Variants in CRYBG2 observed in about 807,000 individuals in gnomAD.
The protein encoded by CRYBG2 is crystallin beta-gamma domain containing 2, also known as beta/gamma crystallin domain-containing protein 2.
A neutral mutation model predicts 153.4 loss-of-function variants in CRYBG2; 106 were observed. The observed-to-expected ratio is 0.69, with a 90% CI of 0.59 to 0.81. CRYBG2 has a LOEUF of 0.81. CRYBG2 is among the 30% of genes least tolerant of loss of function. The pLI is 0.00. For missense variants in CRYBG2, 1,996 were observed against 2,112.0 expected (o/e 0.95, Z 1.08); for synonymous variants, 851 against 877.8 (o/e 0.97, Z 0.54).
rs538385557 is a variant in CRYBG2, at chr1:26,344,884, A to G, written c.1774T>C (p.Ser592Pro). 994 of 1,528,500 alleles carry G rather than the reference A, an allele frequency of 6.5e-4. 10 individuals carry two copies. Among genetic ancestry groups the G allele is most frequent in the Middle Eastern group, 5.4e-3 (32 of 5,908 alleles). 94.7% of individuals were successfully genotyped at this position (1,528,500 alleles called of 1,614,324 possible). A position where few individuals can be genotyped will look rare whatever the true frequency, so the allele number is the denominator to read the frequency against. ...VVKGPGAPAA[S>P]SPTQKEVVKG... is the part of the protein sequence containing the mutation. ...ACAACCTCTTTCTGGGTGGGCGATG[A>G]GGCAGCAGGAGCACCAGGGCCCTTC... is the stretch of plus-strand genomic sequence containing the variant. Residue 592 changes from serine (S) to proline (P), a missense_variant, in exon 2 of 20, where the codon TCA becomes CCA. By Grantham distance (74) the Ser-to-Pro change is moderately conservative (BLOSUM62 -1). Transcript: ENST00000308182.
chr1:26,350,744 C>G (rs1321761179), intron 1 of CRYBG2, among the ~76,000 whole-genome samples: 1 of 152,130 alleles, frequency 6.6e-6, no homozygotes, highest in African/African-American at 2.4e-5. Flanking sequence ...CTGACCAGGG[C>G]AATCCTATTC....
Position 26,345,621 on chromosome 1 carries a change from T to C in CRYBG2, c.1037A>G (p.Gln346Arg). 6.3e-7 allele frequency: 1 copy of C among 1,599,590 alleles called. No homozygotes were observed. Among genetic ancestry groups the C allele is most frequent in the African/African-American group, 1.3e-5 (1 of 75,032 alleles). Residue 346 changes from glutamine to arginine, a missense_variant, in exon 2 of 20, where the codon CAG becomes CGG. Transcript: ENST00000308182. Reference protein sequence around the residue: ...SSTELPLQTSQGQASVPSSPR... With the variant: ...SSTELPLQTSRGQASVPSSPR... ...AGAGGAGGGGACTGATGCTTGACCC[T>C]GAGAAGTCTGGAGAGGGAGCTCAGT...
At chr1:26,328,706 C>T (rs373917372) in intron 16 of CRYBG2, 28 bp downstream of exon 16, 34 of 1,599,632 alleles carry the variant, frequency 2.1e-5, no homozygotes, top group African/African-American at 8.1e-5. Flanking sequence ...CAGCAGCCAC[C>T]GCACCCATGC....
chr1:26,346,355 G>A lies in CRYBG2; in HGVS notation c.303C>T (p.Tyr101=). The A allele has an allele frequency of 6.3e-7, 1 of 1,599,406 alleles. No homozygotes were observed. Residue 101 remains tyrosine (Y), a synonymous_variant, in exon 2 of 20, where the codon TAC becomes TAT. Transcript: ENST00000308182. The surrounding 1 kb of genome is among the most constrained non-coding windows in gnomAD (Gnocchi z 4.9). The part of the protein sequence containing the change: ...QSHGPIFSKK[Y]IPPPKEKRPE... ...GCCTTTTCTCCTTGGGAGGTGGTAT[G>A]TACTTCTTGGAAAAGATGGGTCCAT...
At position 26,325,610 on chromosome 1, in the gene CRYBG2, T is replaced by TACACAC. The variant is rs56092779; in HGVS notation, c.4579-1306_4579-1301dup. Among the ~76,000 whole-genome samples the TACACAC allele has an allele frequency of 0.012, 1,786 of 149,024 alleles. 13 individuals are homozygous for TACACAC. Among genetic ancestry groups the TACACAC allele is most frequent in the African/African-American group, 0.025 (995 of 40,374 alleles). ...AAAAAAATGAATGCACTCCCACAGATACACACACACACACACACACACACA... is the reference window on the plus strand; with the variant it reads ...AAAAAAATGAATGCACTCCCACAGATACACACACACACACACACACACACACACACA... On this transcript the variant is annotated intron_variant, in intron 17 of 19. Coordinates refer to ENST00000308182, the MANE Select transcript of CRYBG2 (RefSeq NM_001039775.4). This position sits in a 1 kb window ranked among gnomAD's most constrained non-coding sequence, Gnocchi z 4.1.
intron 1 of CRYBG2, among the ~76,000 whole-genome samples, chr1:26,347,300 T>TG (rs2074235926): frequency 2.1e-5 from 3 of 139,714 alleles, no homozygotes; most frequent in Non-Finnish European, 4.7e-5. Context: ...TTTTTTTTTT[T>TG]TTTTTTTTTG....
chr1:26,337,123 G>A (rs2074070374), intron 10 of CRYBG2, 130 bp downstream of exon 10: 1 of 1,552,876 alleles, frequency 6.4e-7, no homozygotes. Context: ...GGGGAAGAGA[G>A]GCTAGACCTC....
chr1:26,323,010 T>C (rs2073877677), intron 18 of CRYBG2, among the ~76,000 whole-genome samples: 1 of 152,056 alleles, frequency 6.6e-6, no homozygotes, highest in Non-Finnish European at 1.5e-5. Context: ...CCCTCAGATA[T>C]CTGCATGGCT....
intron 1 of CRYBG2, among the ~76,000 whole-genome samples, chr1:26,353,756 A>G (rs4325118): frequency 0.65 from 99,350 of 151,952 alleles, 32,874 homozygotes; most frequent in East Asian, 0.9. Context: ...GGAGTGGTGT[A>G]TGCTGTGAAG....
chr1:26,344,126 C>A lies in CRYBG2; in HGVS notation c.2532G>T (p.Lys844Asn), dbSNP rs1160205471. The part of the protein sequence containing the change: ...PENPYLSDDE[K>N]LQRRQEKAGP... The stretch of plus-strand genomic sequence containing the variant: ...CAGCTTTCTCCTGCCTGCGCTGGAG[C>A]TTCTCATCGTCACTCAGATAGGGGT... The change falls in exon 2 of 20, where the codon AAG (lysine) becomes AAT (asparagine). Residue 844 changes from lysine to asparagine, a missense_variant. Physicochemically the swap from Lys to Asn is moderately conservative, Grantham distance 94 (BLOSUM62 0). Transcript: ENST00000308182. 4 of 1,536,004 alleles carry A rather than the reference C, an allele frequency of 2.6e-6. No individual in the cohort carries two copies. In the East Asian group the frequency reaches 7.3e-5, roughly 28 times the overall value.
In CRYBG2 at chr1:26,325,522, T is replaced by C. The variant is rs973726976; in HGVS notation, c.4579-1212A>G. 6.6e-6 allele frequency among the ~76,000 whole-genome samples: 1 copy of C among 152,040 alleles called. No homozygotes were observed. Among genetic ancestry groups the C allele is most frequent in the African/African-American group, 2.4e-5 (1 of 41,374 alleles). On this transcript the variant is annotated intron_variant, in intron 17 of 19. Coordinates refer to ENST00000308182, the MANE Select transcript of CRYBG2 (RefSeq NM_001039775.4). This position sits in a 1 kb window ranked among gnomAD's most constrained non-coding sequence, Gnocchi z 4.1. ...TTGCAGTGAGCCGAGATCACACCAC[T>C]GCACTCCAGCCTGGGTGACAGAGTA...
intron 7 of CRYBG2, 96 bp from the exon 8 acceptor site, chr1:26,338,143 C>G (rs1414133701): frequency 9.4e-6 from 14 of 1,496,786 alleles, no homozygotes; most frequent in Non-Finnish European, 1.3e-5. Context: ...AACCCCAACC[C>G]CATGTCTTCC....
At chr1:26,323,763 C>T (rs995379682) in intron 18 of CRYBG2, among the ~76,000 whole-genome samples, 1 of 152,236 alleles carries the variant, frequency 6.6e-6, no homozygotes, top group East Asian at 1.9e-4. Context: ...TACAGGCATG[C>T]ACCACCACAC....
rs138274119 is a variant in CRYBG2, at chr1:26,331,528, G to A, written c.4275C>T (p.Leu1425=). The change falls in exon 15 of 20, where the codon CTC becomes CTT. Residue 1425 remains leucine (L), a synonymous_variant. Coordinates refer to ENST00000308182, the MANE Select transcript of CRYBG2 (RefSeq NM_001039775.4). ...EFPTLTAMGC[L]ASTVLGSLQK... is the part of the protein sequence containing the mutation. ...GGAGAGAGCCCAGGACTGTGGAGGC[G>A]AGGCAGCCCATGGCCGTGAGAGTGG... The A allele has an allele frequency of 2.5e-5, 40 of 1,614,106 alleles. No homozygotes were observed. Among genetic ancestry groups the A allele is most frequent in the Admixed American group, 1.5e-4 (9 of 60,032 alleles).
chr1:26,336,102 C>G lies in CRYBG2; in HGVS notation c.4177G>C (p.Gly1393Arg), dbSNP rs934530234. ...GCCCCTCCACGTTCTCACCTGCCGC[C>G]GTGGACCCGGCAGGACTGAGGTCGG... Reference protein sequence around the residue: ...SFRPQSCRVHGGSWILFDETN... With the variant: ...SFRPQSCRVHRGSWILFDETN... Residue 1393 changes from glycine to arginine, a missense_variant, in exon 14 of 20, where the codon GGC becomes CGC. Physicochemically the swap from Gly to Arg is moderately radical, Grantham distance 125. Transcript: ENST00000308182. This position sits in a 1 kb window ranked among gnomAD's most constrained non-coding sequence, Gnocchi z 4.9. The G allele has an allele frequency of 6.8e-7, 1 of 1,475,188 alleles. No individual in the cohort carries two copies. The highest frequency in any genetic ancestry group is 1.4e-5 in the South Asian group (1 of 73,200). The allele number at this position is 1,475,188 out of a possible 1,614,324, so 91.4% of individuals were successfully genotyped here.
At chr1:26,337,708 C>T (rs1237383704) in intron 8 of CRYBG2, 34 bp from the exon 9 acceptor site, 1 of 1,602,352 alleles carries the variant, frequency 6.2e-7, no homozygotes, top group Non-Finnish European at 8.5e-7. Context: ...GTCATCTGGA[C>T]CCAAACACAC....
chr1:26,337,371 C>T lies in CRYBG2; in HGVS notation c.3653G>A (p.Gly1218Asp), dbSNP rs768409800. 3.7e-6 allele frequency: 6 copies of T among 1,613,396 alleles called. No homozygotes were observed. Among genetic ancestry groups the T allele is most frequent in the Middle Eastern group, 1.6e-4 (1 of 6,078 alleles). Residue 1218 changes from glycine to aspartate, a missense_variant, in exon 10 of 20, where the codon GGC (glycine) becomes GAC (aspartate). Gly to Asp is a moderately conservative substitution (Grantham distance 94). Transcript: ENST00000308182. Reference protein sequence around the residue: ...SLRVLGGCWVGYEKEGFRGHQ... With the variant: ...SLRVLGGCWVDYEKEGFRGHQ... ...GCCCCGGAAGCCCTCCTTCTCGTAG[C>T]CCACCCAGCTGGGAAAAGCAGGAGG...
chr1:26,325,284 G>A lies in CRYBG2; in HGVS notation c.4579-974C>T, dbSNP rs926391755. Among the ~76,000 whole-genome samples the A allele has an allele frequency of 5.3e-5, 8 of 152,226 alleles. No individual in the cohort carries two copies. The highest frequency in any genetic ancestry group is 2.1e-4 in the South Asian group (1 of 4,836). On this transcript the variant is annotated intron_variant, in intron 17 of 19. Transcript: ENST00000308182. The surrounding 1 kb of genome is among the most constrained non-coding windows in gnomAD (Gnocchi z 4.1). ...GTCATAAATGCAATCCCGGCCGGGC[G>A]CGGAGGCTCACGCCTGTAATCCCAG...
At chr1:26,353,005 G>C (rs1166288034) in intron 1 of CRYBG2, among the ~76,000 whole-genome samples, 1 of 151,940 alleles carries the variant, frequency 6.6e-6, no homozygotes, top group African/African-American at 2.4e-5. Context: ...GAAAACCCTG[G>C]AGCCCACACA....
Sources: allele counts gnomAD v4.1 joint callset (sites outside exome capture counted in the v4.1 genomes callset), GRCh38; gene constraint gnomAD v4.1.1; non-coding constraint Gnocchi (gnomAD v3.1); transcripts MANE v1.5; gene names NCBI Gene and HGNC (gene_info 2026-07-23, HGNC 2026-07-21).